CARMIL3: variants seen among roughly 807,000 people sequenced by gnomAD.
The protein encoded by CARMIL3 is capping protein, Arp2/3 and myosin-I linker protein 3.
Under a neutral mutation model 180.8 loss-of-function variants are expected in CARMIL3, and 88 were observed. The observed-to-expected ratio is 0.49, with a 90% CI of 0.41 to 0.58. CARMIL3 has a LOEUF of 0.58. Ranked by LOEUF, CARMIL3 falls within the 20% of genes least tolerant of loss-of-function variation. The pLI, the probability that CARMIL3 is intolerant of heterozygous loss-of-function variation, is 0.00. For missense variants in CARMIL3, 1,548 were observed against 1,787.0 expected (o/e 0.87, Z 2.41); for synonymous variants, 696 against 714.5 (o/e 0.97, Z 0.41).
At position 24,069,216 on chromosome 14, in the gene CARMIL3, A is replaced by G. The variant is rs1282547651; in HGVS notation, c.4062A>G (p.Glu1354=). 1 of 1,614,030 alleles carries G rather than the reference A, an allele frequency of 6.2e-7. No homozygotes were observed. Among genetic ancestry groups the G allele is most frequent in the South Asian group, 1.1e-5 (1 of 91,078 alleles). The change falls in exon 39 of 40, where the codon GAA becomes GAG. Residue 1354 remains glutamate, a synonymous_variant. Transcript: ENST00000342740. ...GGGCACAGTCCTGTGACAAGCTGGA[A>G]CCTGATAGAAGACGGCCTCCTGACC... is the stretch of plus-strand genomic sequence containing the variant. ...TRRAQSCDKL[E]PDRRRPPDPT... is the part of the protein sequence containing the mutation.
intron 31 of CARMIL3, among the ~76,000 whole-genome samples, chr14:24,063,951 GGGCGT>G (rs544781202): frequency 0.011 from 1,737 of 152,070 alleles, 23 homozygotes; most frequent in African/African-American, 0.04. Context: ...AAAATTAGCC[GGGCGT>G]GGTGGCGCCT....
Position 24,054,615 on chromosome 14 carries a change from C to T in CARMIL3, c.363-96C>T. On this transcript the variant is annotated intron_variant, in intron 5 of 39. Transcript: ENST00000342740. This position sits in a 1 kb window ranked among gnomAD's most constrained non-coding sequence, Gnocchi z 5.1. ...GCTGAGAAGGAGAGCTCTCATGTCC[C>T]CACTCCTGGTTTTTCCTGGGATGCA... 6.7e-7 allele frequency: 1 copy of T among 1,493,424 alleles called. No individual in the cohort carries two copies. 92.5% of individuals were successfully genotyped at this position (1,493,424 alleles called of 1,614,324 possible).
Position 24,056,986 on chromosome 14 carries a change from A to G in CARMIL3, c.1024A>G (p.Ser342Gly). ...CAGCTCCCTTCGATACCTGGACCTG[A>G]GCAAGAATCCTGGGCTCCTCGCCAC... The part of the protein sequence containing the change: ...FASSLRYLDL[S>G]KNPGLLATDE... Residue 342 changes from serine to glycine, a missense_variant, in exon 13 of 40, where the codon AGC becomes GGC. Ser to Gly is a moderately conservative substitution (Grantham distance 56). Around this residue, in one of 4 missense-constraint regions of CARMIL3, gnomAD observed 578 missense variants for 666.5 expected, o/e 0.87. Coordinates refer to ENST00000342740, the MANE Select transcript of CARMIL3 (RefSeq NM_138360.4). 1 of 1,614,000 alleles carries G rather than the reference A, an allele frequency of 6.2e-7. No homozygotes were observed. Among genetic ancestry groups the G allele is most frequent in the South Asian group, 1.1e-5 (1 of 91,042 alleles).
At position 24,061,406 on chromosome 14, in the gene CARMIL3, A is replaced by G; in HGVS notation, c.2305-91A>G. On this transcript the variant is annotated intron_variant, in intron 26 of 39. Transcript: ENST00000342740. This position sits in a 1 kb window ranked among gnomAD's most constrained non-coding sequence, Gnocchi z 4.1. ...AGGCAGGTCCCTCAGTCTCAGCAGG[A>G]GGGGCTGGAATAGATAAAGTCTCTT... 1 of 1,335,316 alleles carries G rather than the reference A, an allele frequency of 7.5e-7. No individual in the cohort carries two copies. Among genetic ancestry groups the G allele is most frequent in the South Asian group, 1.5e-5 (1 of 68,746 alleles). 82.7% of individuals were successfully genotyped at this position (1,335,316 alleles called of 1,614,324 possible).
At chr14:24,062,917 C>T (rs1189689025) in intron 29 of CARMIL3, 71 bp downstream of exon 29, 4 of 1,555,680 alleles carry the variant, frequency 2.6e-6, no homozygotes, top group Middle Eastern at 2.3e-4. Flanking sequence ...ACACTGTCCC[C>T]TTCCACTGAT....
rs372578406 is a variant in CARMIL3 at position 24,056,383 on chromosome 14, C to T, written c.855C>T (p.Ile285=). 9.3e-6 allele frequency: 15 copies of T among 1,613,284 alleles called. No individual in the cohort carries two copies. The highest frequency in any genetic ancestry group is 1.3e-5 in the African/African-American group (1 of 74,858). ...CCCTCACTCTGTCCCACAACCCCAT[C>T]GAGGACAAGGGTGAGCCCCAGCCCT... ...LHALTLSHNP[I]EDKGFLSLSQ... is the part of the protein sequence containing the mutation. The change falls in exon 11 of 40, where the codon ATC becomes ATT. Residue 285 remains isoleucine (I), a synonymous_variant. Transcript: ENST00000342740.
chr14:24,063,441 G>C lies in CARMIL3; in HGVS notation c.2887G>C (p.Glu963Gln), dbSNP rs1455452785. Reference protein sequence around the residue: ...TASGSWEGLSELPTHGYKLRH... With the variant: ...TASGSWEGLSQLPTHGYKLRH... ...TAGTGGCTCCTGGGAAGGTCTATCT[G>C]AGCTGCCCACTCATGGTTACAAACT... The change falls in exon 31 of 40, where the codon GAG becomes CAG. Residue 963 changes from glutamate to glutamine, a missense_variant. Physicochemically the swap from Glu to Gln is conservative, Grantham distance 29. Transcript: ENST00000342740. 4 of 1,613,776 alleles carry C rather than the reference G, an allele frequency of 2.5e-6. No homozygotes were observed. The highest frequency in any genetic ancestry group is 3.4e-6 in the Non-Finnish European group (4 of 1,180,012).
At position 24,061,846 on chromosome 14, in the gene CARMIL3, G is replaced by C. The variant is rs1395012964; in HGVS notation, c.2480+174G>C. 1.2e-5 allele frequency: 9 copies of C among 780,676 alleles called. No homozygotes were observed. The highest frequency in any genetic ancestry group is 1.9e-5 in the South Asian group (1 of 52,536). 48.4% of individuals were successfully genotyped at this position (780,676 alleles called of 1,614,324 possible). On this transcript the variant is annotated intron_variant, in intron 27 of 39. Coordinates refer to ENST00000342740, the MANE Select transcript of CARMIL3 (RefSeq NM_138360.4). This position sits in a 1 kb window ranked among gnomAD's most constrained non-coding sequence, Gnocchi z 4.1. ...TAGGGTCTGGCTGGTCTTTGCCCTA[G>C]AAATCTAAGTGCTGAGCTGGGGTTT...
chr14:24,061,789 A>T lies in CARMIL3; in HGVS notation c.2480+117A>T. 1 of 1,172,578 alleles carries T rather than the reference A, an allele frequency of 8.5e-7. No individual in the cohort carries two copies. The highest frequency in any genetic ancestry group is 1.2e-6 in the Non-Finnish European group (1 of 844,270). 72.6% of individuals were successfully genotyped at this position (1,172,578 alleles called of 1,614,324 possible). ...GAATGGCACAATCTCCATTACAAGG[A>T]TCAATCTTTAACCAAGTGCAACCTT... On this transcript the variant is annotated intron_variant, in intron 27 of 39. Transcript: ENST00000342740. The surrounding 1 kb of genome is among the most constrained non-coding windows in gnomAD (Gnocchi z 4.1).
chr14:24,060,119 A>C, intron 23 of CARMIL3, 38 bp from the exon 24 acceptor site: 1 of 1,613,142 alleles, frequency 6.2e-7, no homozygotes, highest in East Asian at 2.2e-5. Context: ...GGCAGCCCCC[A>C]TCCCCAGGCC....
At chr14:24,062,168 C>T in intron 27 of CARMIL3, 1 of 474,994 alleles carries the variant, frequency 2.1e-6, no homozygotes, top group Non-Finnish European at 3.8e-6. Context: ...AGTTACTCAG[C>T]ACCCCAATTA....
chr14:24,064,807 C>T (rs1399891278), intron 32 of CARMIL3, 151 bp from the exon 33 acceptor site: 2 of 812,720 alleles, frequency 2.5e-6, no homozygotes, highest in Non-Finnish European at 3.9e-6. Context: ...TACAACGGGA[C>T]AGGAAAGGCA....
intron 38 of CARMIL3, 77 bp downstream of exon 38, chr14:24,069,043 C>A: frequency 6.3e-7 from 1 of 1,583,822 alleles, no homozygotes; most frequent in South Asian, 1.1e-5. Flanking sequence ...TCTTCCAGAG[C>A]ATGGAATGAG....
At position 24,052,043 on chromosome 14, in the gene CARMIL3, C is replaced by T; in HGVS notation, c.-111C>T. ...CCCCTGACCGGAGCGGGCTCGGCCGCTGCTGCAGCGCTCAGCGCCCGGGCC... is the reference window on the plus strand; with the variant it reads ...CCCCTGACCGGAGCGGGCTCGGCCGTTGCTGCAGCGCTCAGCGCCCGGGCC... On this transcript the variant is annotated 5_prime_UTR_variant, in exon 1 of 40. Transcript: ENST00000342740. The T allele has an allele frequency of 8.7e-7, 1 of 1,145,504 alleles. No individual in the cohort carries two copies. Among genetic ancestry groups the T allele is most frequent in the Non-Finnish European group, 1.2e-6 (1 of 863,514 alleles). 71.0% of individuals were successfully genotyped at this position (1,145,504 alleles called of 1,614,324 possible). A position where few individuals can be genotyped will look rare whatever the true frequency, so the allele number is the denominator to read the frequency against.
chr14:24,057,844 C>T lies in CARMIL3; in HGVS notation c.1182C>T (p.Thr394=). Residue 394 remains threonine (T), a synonymous_variant, in exon 15 of 40, where the codon ACC becomes ACT. Transcript: ENST00000342740. Reference sequence around the variant, plus strand: ...TCCACGGCTGCTGCTCCCACCTCACCTACCTCAACCTGGCTCGCAACAGCT... The same window carrying T: ...TCCACGGCTGCTGCTCCCACCTCACTTACCTCAACCTGGCTCGCAACAGCT... ...ALLHGCCSHL[T]YLNLARNSCS... The T allele has an allele frequency of 8.1e-6, 13 of 1,612,314 alleles. No individual in the cohort carries two copies. The highest frequency in any genetic ancestry group is 1.1e-5 in the Non-Finnish European group (13 of 1,179,906).
In CARMIL3 at chr14:24,054,230, C is replaced by T. The variant is rs777968134; in HGVS notation, c.187-12C>T. The T allele has an allele frequency of 1.4e-5, 22 of 1,614,080 alleles. No homozygotes were observed. The East Asian group carries it at 4.5e-4, about 33-fold the overall frequency. ...GTCCTTACCAGGAGCTGAGCATCTC[C>T]ATCCCTCCTAGGTGGAGAGCTCCTT... On this transcript the variant is annotated splice_polypyrimidine_tract_variant and intron_variant, in intron 3 of 39. Transcript: ENST00000342740. This position sits in a 1 kb window ranked among gnomAD's most constrained non-coding sequence, Gnocchi z 5.1.
In CARMIL3 at chr14:24,065,718, G is replaced by A; in HGVS notation, c.3493G>A (p.Ala1165Thr). ...TGTTGCCCTTCCCGGGTTGGAAAGA[G>A]CCAAGGGTTGGAGCTTCGATGGGAA... The part of the protein sequence containing the change: ...HGVALPGLER[A>T]KGWSFDGKRE... The change falls in exon 34 of 40, where the codon GCC (alanine) becomes ACC (threonine). Residue 1165 changes from alanine to threonine, a missense_variant. Ala to Thr is a moderately conservative substitution (Grantham distance 58). Around this residue, in one of 4 missense-constraint regions of CARMIL3, gnomAD observed 668 missense variants for 687.8 expected, o/e 0.97. Coordinates refer to ENST00000342740, the MANE Select transcript of CARMIL3 (RefSeq NM_138360.4). The A allele has an allele frequency of 6.2e-7, 1 of 1,614,144 alleles. No homozygotes were observed. Among genetic ancestry groups the A allele is most frequent in the African/African-American group, 1.3e-5 (1 of 75,054 alleles).
chr14:24,062,371 G>C (rs1172918468), intron 27 of CARMIL3, 109 bp from the exon 28 acceptor site: 7 of 1,005,126 alleles, frequency 7.0e-6, no homozygotes, highest in Non-Finnish European at 1.1e-5. Context: ...TGGGCAGACA[G>C]ACCAGGCCAG....
rs1437104116 is a variant in CARMIL3, at chr14:24,057,003, C to T, written c.1041C>T (p.Leu347=). 8 of 1,613,614 alleles carry T rather than the reference C, an allele frequency of 5.0e-6. No individual in the cohort carries two copies. Among genetic ancestry groups the T allele is most frequent in the Non-Finnish European group, 5.9e-6 (7 of 1,179,844 alleles). ...RYLDLSKNPG[L]LATDEANALY... ...TGGACCTGAGCAAGAATCCTGGGCT[C>T]CTCGCCACGGATGAGGCCAATGTGA... Residue 347 remains leucine, a synonymous_variant, in exon 13 of 40, where the codon CTC becomes CTT. Coordinates refer to ENST00000342740, the MANE Select transcript of CARMIL3 (RefSeq NM_138360.4).
Sources: gnomAD v4.1 joint callset for allele counts (sites outside exome capture counted in the v4.1 genomes callset) on GRCh38, gnomAD v4.1.1 for gene constraint, gnomAD v4.1.1 regional missense constraint, Gnocchi (gnomAD v3.1) non-coding constraint, MANE v1.5 for transcripts, NCBI Gene and HGNC (gene_info 2026-07-23, HGNC 2026-07-21) for gene names.